DAB1: variants seen among roughly 807,000 people sequenced by gnomAD.
DAB1 encodes the protein disabled homolog 1.
A neutral mutation model predicts 64.6 loss-of-function variants in DAB1; 15 were observed. That is an observed-to-expected ratio of 0.23 (90% CI 0.16 to 0.36). The LOEUF is 0.36. DAB1 is among the 10% of genes least tolerant of loss of function. The probability of loss-of-function intolerance (pLI) is 1.00; values close to 1 mark genes in which losing one functional copy is unlikely to be tolerated. For missense variants in DAB1, 596 were observed against 706.7 expected (o/e 0.84, Z 1.78); for synonymous variants, 235 against 251.9 (o/e 0.93, Z 0.64).
chr1:57,220,398 A>T (rs619732), intron 2 of DAB1, among the ~76,000 whole-genome samples: 41,849 of 152,132 alleles, frequency 0.28, 7,353 homozygotes, highest in Middle Eastern at 0.4. Flanking sequence ...GGAGACCTGG[A>T]TGGTAACAAC....
chr1:57,642,014 T>G (rs2101643516), intron 7 of DAB1, among the ~76,000 whole-genome samples: 1 of 152,332 alleles, frequency 6.6e-6, no homozygotes, highest in South Asian at 2.1e-4. Context: ...ATCTTCTGCC[T>G]CTTTACTTAC....
intron 2 of DAB1, among the ~76,000 whole-genome samples, chr1:57,240,255 G>GA (rs1668404034): frequency 6.6e-6 from 1 of 152,148 alleles, no homozygotes; most frequent in Admixed American, 6.5e-5. Flanking sequence ...AAGGAAATGA[G>GA]AATCTGATTA....
chr1:57,426,403 T>A (rs780072118), upstream of DAB1, among the ~76,000 whole-genome samples: 5 of 152,248 alleles, frequency 3.3e-5, no homozygotes, highest in Non-Finnish European at 5.9e-5. Flanking sequence ...CAATGATCTT[T>A]CAAGTTAAAC....
intron 1 of DAB1, among the ~76,000 whole-genome samples, chr1:57,317,179 C>A (rs143574310): frequency 1.3e-5 from 2 of 152,200 alleles, no homozygotes; most frequent in Non-Finnish European, 1.5e-5. Context: ...GAACTGAGAC[C>A]CCCAGTCCAA....
chr1:57,450,967 C>A (rs1558392789), intron 7 of DAB1, among the ~76,000 whole-genome samples: 1 of 152,196 alleles, frequency 6.6e-6, no homozygotes, highest in South Asian at 2.1e-4. Flanking sequence ...TCACTTAAAA[C>A]GTCTTTCTTT....
chr1:57,824,963 G>T (rs1319683668), downstream of DAB1, among the ~76,000 whole-genome samples: 1 of 152,160 alleles, frequency 6.6e-6, no homozygotes, highest in African/African-American at 2.4e-5. Context: ...TCCCATGAGG[G>T]TACTGGATAT....
intron 1 of DAB1, among the ~76,000 whole-genome samples, chr1:57,318,030 G>C (rs879701731): frequency 6.6e-6 from 1 of 151,970 alleles, no homozygotes; most frequent in Non-Finnish European, 1.5e-5. Flanking sequence ...CATTTGAATA[G>C]GGTTTCTGTC....
chr1:57,415,328 C>G (rs976612530), intron 1 of DAB1, among the ~76,000 whole-genome samples: 6 of 150,326 alleles, frequency 4.0e-5, no homozygotes, highest in Non-Finnish European at 5.9e-5. Flanking sequence ...ATTTGAAAGG[C>G]AAACAAAACA....
intron 6 of DAB1, among the ~76,000 whole-genome samples, chr1:57,777,382 A>G (rs999561648): frequency 6.4e-4 from 62 of 97,400 alleles, no homozygotes; most frequent in African/African-American, 2.5e-3. Flanking sequence ...CATCATTCAA[A>G]TAATTTTTGT....
intron 7 of DAB1, among the ~76,000 whole-genome samples, chr1:57,628,558 T>C (rs1484632021): frequency 3.3e-5 from 5 of 152,028 alleles, no homozygotes; most frequent in Non-Finnish European, 7.4e-5. Context: ...TAAAATCCCA[T>C]CCAAAACAGC....
At chr1:57,410,059 C>T (rs1683985784) in intron 1 of DAB1, among the ~76,000 whole-genome samples, 1 of 151,868 alleles carries the variant, frequency 6.6e-6, no homozygotes, top group Non-Finnish European at 1.5e-5. Flanking sequence ...TCGTGCAATT[C>T]CTTTGATTTG....
At chr1:57,852,107 C>T (rs852796) in intron 1 of DAB1, among the ~76,000 whole-genome samples, 1 of 151,920 alleles carries the variant, frequency 6.6e-6, no homozygotes, top group Non-Finnish European at 1.5e-5. Context: ...TGAGATGGGT[C>T]ACATAAATTA....
intron 2 of DAB1, among the ~76,000 whole-genome samples, chr1:57,194,484 G>A (rs533497365): frequency 3.9e-5 from 6 of 152,228 alleles, no homozygotes; most frequent in Admixed American, 1.3e-4. Flanking sequence ...TTTGATGATT[G>A]CTGCAAAAGA....
intron 3 of DAB1, among the ~76,000 whole-genome samples, chr1:58,429,066 T>C (rs1644846373): frequency 6.6e-6 from 1 of 152,230 alleles, no homozygotes; most frequent in African/African-American, 2.4e-5. Context: ...CAGTTTACTA[T>C]ATGTGAAATT....
intron 7 of DAB1, among the ~76,000 whole-genome samples, chr1:57,522,889 G>T (rs987010220): frequency 3.5e-4 from 53 of 152,174 alleles, no homozygotes; most frequent in African/African-American, 1.3e-3. Context: ...GAGGTTTCTT[G>T]CCCTTGAATA....
At chr1:57,682,328 A>G (rs1333506170) in intron 6 of DAB1, among the ~76,000 whole-genome samples, 1 of 151,068 alleles carries the variant, frequency 6.6e-6, no homozygotes, top group Admixed American at 6.6e-5. Flanking sequence ...TAGTAGCATA[A>G]GAAAATAAAG....
At chr1:57,741,979 G>T (rs879812229) in intron 6 of DAB1, among the ~76,000 whole-genome samples, 1 of 152,174 alleles carries the variant, frequency 6.6e-6, no homozygotes, top group African/African-American at 2.4e-5. Flanking sequence ...CTCCACAGGA[G>T]CACTAATCCT....
intron 3 of DAB1, among the ~76,000 whole-genome samples, chr1:58,471,702 A>T (rs1208212910): frequency 6.6e-6 from 1 of 152,152 alleles, no homozygotes; most frequent in Non-Finnish European, 1.5e-5. Context: ...TTCTCGTGAT[A>T]GTGAGTGAGT....
At position 57,546,096 on chromosome 1, in the gene DAB1, T is replaced by C. The variant is rs61768155; in HGVS notation, n.625+103496A>G. On this transcript the variant is annotated intron_variant and non_coding_transcript_variant, in intron 7 of 20. Transcript: ENST00000485760. ...GTGTGTGTGTGTGTGTGTGTGTGTG[T>C]GTGCGCGCACGTGTGCATGTTTGTA... Among the ~76,000 whole-genome samples, 982 of 121,676 alleles carry C rather than the reference T, an allele frequency of 8.1e-3. 9 individuals are homozygous for C. Among genetic ancestry groups the C allele is most frequent in the Admixed American group, 0.026 (295 of 11,354 alleles). 79.8% of individuals were successfully genotyped at this position (121,676 alleles called of 152,430 possible). A position where few individuals can be genotyped will look rare whatever the true frequency, so the allele number is the denominator to read the frequency against.
Sources: allele counts gnomAD v4.1 joint callset (sites outside exome capture counted in the v4.1 genomes callset), GRCh38; gene constraint gnomAD v4.1.1; transcripts MANE v1.5; gene names NCBI Gene and HGNC (gene_info 2026-07-23, HGNC 2026-07-21).